The following TAFA4 variants were observed in gnomAD, a reference collection of about 807,000 sequenced individuals.
TAFA4 encodes the protein TAFA chemokine like family member 4.
TAFA4 carries 20 observed loss-of-function variants against 21.1 expected under a neutral mutation model. The observed-to-expected ratio is 0.95, with a 90% CI of 0.67 to 1.38. The LOEUF is 1.38. Ranked by LOEUF, TAFA4 falls within the 40% of genes most tolerant of loss-of-function variation. TAFA4 has a pLI of 0.00. For missense variants in TAFA4, 211 were observed against 180.9 expected, an observed-to-expected ratio of 1.17 and a Z score of -0.95; for synonymous variants, 71 against 67.4, an observed-to-expected ratio of 1.05 and a Z score of -0.26.
chr3:68,867,465 T>C (rs761548585), intron 3 of TAFA4, among the ~76,000 whole-genome samples: 47 of 152,150 alleles, frequency 3.1e-4, no homozygotes, highest in Non-Finnish European at 5.6e-4. Context: ...AAAACAGTAA[T>C]GTGCAAAAAG....
intron 3 of TAFA4, among the ~76,000 whole-genome samples, chr3:68,833,275 A>T (rs1704443798): frequency 6.6e-6 from 1 of 152,184 alleles, no homozygotes; most frequent in African/African-American, 2.4e-5. Context: ...TTCTGTGTCA[A>T]TCTCGCTGGA....
At chr3:68,807,196 A>C (rs146929097) in intron 3 of TAFA4, among the ~76,000 whole-genome samples, 301 of 152,312 alleles carry the variant, frequency 2.0e-3, no homozygotes, top group African/African-American at 6.8e-3. Flanking sequence ...TTCAAAAACA[A>C]AATCAAAACA....
intron 3 of TAFA4, among the ~76,000 whole-genome samples, chr3:68,835,604 A>C (rs6781504): frequency 1.6e-4 from 24 of 152,182 alleles, no homozygotes; most frequent in East Asian, 1.9e-4. Flanking sequence ...GGAGCAGAGA[A>C]AGATGTTTTT....
rs112018980 is a variant in TAFA4, at chr3:68,737,510, C to G, written c.411+1565G>C. Among the ~76,000 whole-genome samples, 522 of 152,188 alleles carry G rather than the reference C, an allele frequency of 3.4e-3. 6 individuals are homozygous for G. Among genetic ancestry groups the G allele is most frequent in the African/African-American group, 0.011 (473 of 41,524 alleles). On this transcript the variant is annotated intron_variant, in intron 5 of 5. Transcript: ENST00000295569. ...TAAGTTAGTTGACAACCGCAATTCA[C>G]GTTGAAAATGGTCTGGTTTTACCTA...
rs1449295867 is a variant in TAFA4, at chr3:68,732,312, G to A, written c.*830C>T. The A allele has an allele frequency of 1.3e-5, 2 of 152,388 alleles. No individual in the cohort carries two copies. The highest frequency in any genetic ancestry group is 2.9e-5 in the Non-Finnish European group (2 of 68,002). The allele number at this position is 152,388 out of a possible 1,614,324, so 9.4% of individuals were successfully genotyped here. A position where few individuals can be genotyped will look rare whatever the true frequency, so the allele number is the denominator to read the frequency against. Reference sequence around the variant, plus strand: ...TATAATTGGCATAAATTTGATCTAAGAAATAACCCTTGATCTAAATTGAGA... The same window carrying A: ...TATAATTGGCATAAATTTGATCTAAAAAATAACCCTTGATCTAAATTGAGA... On this transcript the variant is annotated 3_prime_UTR_variant, in exon 6 of 6. Coordinates refer to ENST00000295569, the MANE Select transcript of TAFA4 (RefSeq NM_182522.5).
intron 1 of TAFA4, among the ~76,000 whole-genome samples, chr3:68,921,463 G>A (rs897214141): frequency 5.9e-5 from 9 of 152,144 alleles, no homozygotes; most frequent in African/African-American, 2.2e-4. Context: ...GCAAGACAAA[G>A]TGAAATCCAC....
chr3:68,753,251 C>T (rs886146366), intron 3 of TAFA4, among the ~76,000 whole-genome samples: 1 of 151,682 alleles, frequency 6.6e-6, no homozygotes, highest in Admixed American at 6.6e-5. Context: ...CCAGGATCCT[C>T]AACCCCTGGG....
intron 2 of TAFA4, among the ~76,000 whole-genome samples, chr3:68,882,493 C>T (rs1187863506): frequency 1.3e-5 from 2 of 152,200 alleles, no homozygotes; most frequent in Non-Finnish European, 2.9e-5. Flanking sequence ...AGGGTCTCCA[C>T]AGTCCCTCCC....
intron 3 of TAFA4, among the ~76,000 whole-genome samples, chr3:68,765,398 G>C (rs143263786): frequency 1.3e-5 from 2 of 152,148 alleles, no homozygotes; most frequent in East Asian, 3.9e-4. Context: ...AAGTAAAATA[G>C]GCTCCAGCAA....
At chr3:68,885,673 C>T (rs2089664957) in intron 1 of TAFA4, among the ~76,000 whole-genome samples, 1 of 152,122 alleles carries the variant, frequency 6.6e-6, no homozygotes, top group Non-Finnish European at 1.5e-5. Context: ...TAATGCATTC[C>T]CAAGACATGC....
intron 3 of TAFA4, among the ~76,000 whole-genome samples, chr3:68,837,652 A>C (rs1029881220): frequency 2.6e-5 from 4 of 152,174 alleles, no homozygotes; most frequent in Non-Finnish European, 5.9e-5. Context: ...ATTCAAACAC[A>C]AGTGACCCTA....
At chr3:68,874,720 G>A (rs992768654) in intron 3 of TAFA4, among the ~76,000 whole-genome samples, 1 of 152,012 alleles carries the variant, frequency 6.6e-6, no homozygotes, top group Admixed American at 6.6e-5. Flanking sequence ...CAAGTAGGAT[G>A]GCTCACAAGC....
At chr3:68,817,935 A>G (rs1704025311) in intron 3 of TAFA4, among the ~76,000 whole-genome samples, 1 of 152,158 alleles carries the variant, frequency 6.6e-6, no homozygotes, top group Non-Finnish European at 1.5e-5. Flanking sequence ...ACTTAAAGTC[A>G]CCTGCATTTC....
chr3:68,834,018 A>G (rs1704461885), intron 3 of TAFA4, among the ~76,000 whole-genome samples: 1 of 152,186 alleles, frequency 6.6e-6, no homozygotes, highest in Non-Finnish European at 1.5e-5. Flanking sequence ...TTCATGCTCC[A>G]TTAGCCAGAG....
At chr3:68,747,760 T>C (rs923740233) in intron 4 of TAFA4, among the ~76,000 whole-genome samples, 1 of 152,206 alleles carries the variant, frequency 6.6e-6, no homozygotes, top group Non-Finnish European at 1.5e-5. Flanking sequence ...CTTACAGTGC[T>C]TTATATAAAC....
At chr3:68,743,843 T>C (rs905259135) in intron 4 of TAFA4, among the ~76,000 whole-genome samples, 8 of 152,186 alleles carry the variant, frequency 5.3e-5, no homozygotes, top group Admixed American at 5.2e-4. Context: ...GTAGTCTTTC[T>C]ACTGTAACAC....
intron 3 of TAFA4, among the ~76,000 whole-genome samples, chr3:68,850,881 G>A (rs747767245): frequency 6.6e-6 from 1 of 151,998 alleles, no homozygotes; most frequent in Non-Finnish European, 1.5e-5. Context: ...GAGCTTTTTA[G>A]TTTAAATAGA....
At chr3:68,865,042 G>C (rs1347560022) in intron 3 of TAFA4, among the ~76,000 whole-genome samples, 1 of 152,030 alleles carries the variant, frequency 6.6e-6, no homozygotes, top group Non-Finnish European at 1.5e-5. Flanking sequence ...TATTAAGATG[G>C]TTTCATGGGT....
chr3:68,874,690 G>C (rs915632695), intron 3 of TAFA4, among the ~76,000 whole-genome samples: 1 of 151,968 alleles, frequency 6.6e-6, no homozygotes, highest in Non-Finnish European at 1.5e-5. Context: ...AAGAGGGAAG[G>C]GTGAAAAAGC....
Sources: allele counts gnomAD v4.1 joint callset (sites outside exome capture counted in the v4.1 genomes callset), GRCh38; gene constraint gnomAD v4.1.1; transcripts MANE v1.5; gene names NCBI Gene and HGNC (gene_info 2026-07-23, HGNC 2026-07-21).